Variants in ST7L observed in about 807,000 individuals in gnomAD.
ST7L encodes the protein suppressor of tumorigenicity 7 protein-like.
ST7L carries 57 observed loss-of-function variants against 72.5 expected under a neutral mutation model. The observed-to-expected ratio is 0.79, with a 90% CI of 0.64 to 0.98. The LOEUF (loss-of-function observed/expected upper bound fraction) is 0.98. ST7L is among the 50% of genes least tolerant of loss of function. The pLI, the probability that ST7L is intolerant of heterozygous loss-of-function variation, is 0.00. For synonymous variants in ST7L, 221 were observed against 240.9 expected (o/e 0.92, Z 0.77); for missense variants, 576 against 672.2 (o/e 0.86, Z 1.58).
chr1:112,584,200 C>T (rs1664535656), intron 6 of ST7L, 74 bp from the exon 7 acceptor site: 1 of 1,445,408 alleles, frequency 6.9e-7, no homozygotes. Context: ...TGTCCCTTTG[C>T]TCTATGTCAT....
intron 14 of ST7L, among the ~76,000 whole-genome samples, chr1:112,535,276 G>A (rs1654992452): frequency 6.6e-6 from 1 of 152,054 alleles, no homozygotes; most frequent in Admixed American, 6.6e-5. Context: ...GGAGGCTGAG[G>A]TGGGCATATG....
chr1:112,591,183 G>A (rs540239251), intron 6 of ST7L, among the ~76,000 whole-genome samples: 6 of 151,870 alleles, frequency 4.0e-5, no homozygotes, highest in South Asian at 4.2e-4. Flanking sequence ...CGCCTGCCTC[G>A]GCCTCCCAAA....
chr1:112,617,001 T>C (rs1669988329), intron 1 of ST7L, 106 bp from the exon 2 acceptor site: 1 of 692,854 alleles, frequency 1.4e-6, no homozygotes, highest in Non-Finnish European at 2.5e-6. Context: ...GTAGTATTAA[T>C]ATCTAGTGTG....
chr1:112,576,769 T>C (rs1663161580), intron 11 of ST7L, among the ~76,000 whole-genome samples: 1 of 152,232 alleles, frequency 6.6e-6, no homozygotes, highest in Non-Finnish European at 1.5e-5. Flanking sequence ...TATATTTTGA[T>C]AGTAATTACA....
intron 14 of ST7L, chr1:112,539,578 C>T (rs923104881): frequency 9.4e-6 from 5 of 532,876 alleles, no homozygotes; most frequent in African/African-American, 2.1e-5. Flanking sequence ...ACTGCTTGAA[C>T]CTAGAAGGCG....
chr1:112,558,881 C>T lies in ST7L; in HGVS notation c.1246-2863G>A, dbSNP rs1659627438. Among the ~76,000 whole-genome samples, 4 of 152,156 alleles carry T rather than the reference C, an allele frequency of 2.6e-5. No individual in the cohort carries two copies. In the South Asian group the frequency reaches 8.3e-4, roughly 32 times the overall value. ...GGGAAAATGGACTCAAATAGCTGAC[C>T]TCTGACATGACTCCTTATGTTCTTT... On this transcript the variant is annotated intron_variant, in intron 11 of 14. Coordinates refer to ENST00000358039, the MANE Select transcript of ST7L (RefSeq NM_017744.5).
intron 2 of ST7L, among the ~76,000 whole-genome samples, chr1:112,611,489 A>G (rs1393753831): frequency 2.6e-5 from 4 of 152,230 alleles, no homozygotes; most frequent in African/African-American, 7.2e-5. Flanking sequence ...TGTGGTTAAC[A>G]AGAATTATAA....
At chr1:112,577,119 AT>A in intron 10 of ST7L, 31 bp from the exon 11 acceptor site, 1 of 1,445,008 alleles carries the variant, frequency 6.9e-7, no homozygotes, top group East Asian at 2.3e-5. Context: ...GAAAAAATAA[AT>A]ATGCTAAAAA....
At chr1:112,607,780 T>C (rs564264461) in intron 3 of ST7L, among the ~76,000 whole-genome samples, 18 of 152,060 alleles carry the variant, frequency 1.2e-4, no homozygotes, top group Non-Finnish European at 1.9e-4. Context: ...GGAAGAACTA[T>C]GGAAGAAGAT....
At chr1:112,585,003 G>T (rs1342594045) in intron 6 of ST7L, among the ~76,000 whole-genome samples, 1 of 152,070 alleles carries the variant, frequency 6.6e-6, no homozygotes, top group Non-Finnish European at 1.5e-5. Context: ...ACAATATTAT[G>T]CAGTATAACT....
At chr1:112,523,238 T>C (rs905098147), downstream of ST7L, 1 of 152,244 alleles carries the variant, frequency 6.6e-6, no homozygotes, top group Non-Finnish European at 1.5e-5. Flanking sequence ...TCTGTGCTTT[T>C]CCTTGGGCTC....
intron 11 of ST7L, among the ~76,000 whole-genome samples, chr1:112,567,332 G>A (rs1661218598): frequency 6.6e-6 from 1 of 151,482 alleles, no homozygotes; most frequent in Non-Finnish European, 1.5e-5. Flanking sequence ...TTTTAATATT[G>A]TGTTTTTTTA....
chr1:112,560,262 C>T (rs1381447751), intron 11 of ST7L, among the ~76,000 whole-genome samples: 1 of 151,932 alleles, frequency 6.6e-6, no homozygotes, highest in Non-Finnish European at 1.5e-5. Context: ...GGCGTGGTGG[C>T]GGGCGCCTGT....
chr1:112,601,736 G>A (rs1667423505), intron 3 of ST7L, among the ~76,000 whole-genome samples: 1 of 152,048 alleles, frequency 6.6e-6, no homozygotes, highest in African/African-American at 2.4e-5. Flanking sequence ...GGTTAGGCTA[G>A]AGTACAGGGT....
intron 1 of ST7L, among the ~76,000 whole-genome samples, chr1:112,617,486 A>G (rs1374569139): frequency 6.6e-6 from 1 of 152,158 alleles, no homozygotes; most frequent in Non-Finnish European, 1.5e-5. Flanking sequence ...CCAAGGCAGG[A>G]GGATCACTGG....
intron 3 of ST7L, among the ~76,000 whole-genome samples, chr1:112,604,943 T>C (rs1056148460): frequency 6.3e-5 from 9 of 141,886 alleles, no homozygotes; most frequent in Non-Finnish European, 1.2e-4. Flanking sequence ...AAAAAATAGC[T>C]GGGCGTGGTG....
intron 1 of ST7L, chr1:112,617,886 T>C: frequency 1.4e-6 from 1 of 728,226 alleles, no homozygotes; most frequent in South Asian, 1.8e-5. Context: ...AAGCACTTCA[T>C]TCACCTGTTA....
chr1:112,602,917 G>T (rs560627866), intron 3 of ST7L, among the ~76,000 whole-genome samples: 1 of 151,456 alleles, frequency 6.6e-6, no homozygotes, highest in Non-Finnish European at 1.5e-5. Context: ...ACGGGGTTTC[G>T]CCATCTTAGC....
chr1:112,597,244 G>A (rs1666621907), intron 5 of ST7L, among the ~76,000 whole-genome samples: 1 of 152,174 alleles, frequency 6.6e-6, no homozygotes, highest in Non-Finnish European at 1.5e-5. Flanking sequence ...CTTTCAATTT[G>A]GATAATGAAG....
Sources: gnomAD v4.1 joint callset for allele counts (sites outside exome capture counted in the v4.1 genomes callset) on GRCh38, gnomAD v4.1.1 for gene constraint, MANE v1.5 for transcripts, NCBI Gene and HGNC (gene_info 2026-07-23, HGNC 2026-07-21) for gene names.